INSL6: variants seen among roughly 807,000 people sequenced by gnomAD.
The protein encoded by INSL6 is insulin like 6, also known as insulin-like peptide INSL6.
INSL6 carries 16 observed loss-of-function variants against 9.4 expected under a neutral mutation model. That is an observed-to-expected ratio of 1.70 (90% CI 1.15 to 2.59). The LOEUF is 2.59. Among genes scored for constraint, INSL6 ranks in the 30% most tolerant of loss-of-function variants. The probability of loss-of-function intolerance (pLI) is 0.00; values close to 1 mark genes in which losing one functional copy is unlikely to be tolerated. For missense variants in INSL6, 391 were observed against 257.3 expected (o/e 1.52, Z -3.56); for synonymous variants, 154 against 96.9 (o/e 1.59, Z -3.46).
At chr9:5,003,636 C>T in the INSL6 span, among the ~76,000 whole-genome samples, 1 of 152,056 alleles carries the variant, frequency 6.6e-6, no homozygotes, top group East Asian at 1.9e-4. Context: ...CATATACAGA[C>T]ATGTCCTCTA....
intron 1 of INSL6, among the ~76,000 whole-genome samples, chr9:5,179,340 T>C (rs966601379): frequency 5.9e-5 from 9 of 152,122 alleles, no homozygotes; most frequent in African/African-American, 2.2e-4. Flanking sequence ...ATGGCTATTA[T>C]TAAAGCTAAA....
the INSL6 span, among the ~76,000 whole-genome samples, chr9:5,068,438 C>T: frequency 6.6e-6 from 1 of 152,156 alleles, no homozygotes; most frequent in African/African-American, 2.4e-5. Flanking sequence ...TTTGCTTGTG[C>T]AAAGAGGTGA....
chr9:5,165,401 C>T (rs952373471), intron 1 of INSL6, among the ~76,000 whole-genome samples: 2 of 152,134 alleles, frequency 1.3e-5, no homozygotes, highest in African/African-American at 2.4e-5. Context: ...AGCATCGGTA[C>T]AGTAGAGTTC....
intron 2 of INSL6, among the ~76,000 whole-genome samples, chr9:5,139,535 C>T (rs1235087477): frequency 3.9e-5 from 6 of 152,124 alleles, no homozygotes; most frequent in African/African-American, 1.4e-4. Flanking sequence ...ACTCTCAAGT[C>T]TAGACACATC....
chr9:5,156,656 T>C (rs1824819235), intron 2 of INSL6, among the ~76,000 whole-genome samples: 1 of 152,220 alleles, frequency 6.6e-6, no homozygotes, highest in South Asian at 2.1e-4. Flanking sequence ...CTAGTTAATG[T>C]TGCACTGGAA....
chr9:5,091,214 G>A, the INSL6 span: 1 of 197,732 alleles, frequency 5.1e-6, no homozygotes, highest in African/African-American at 2.3e-5. Flanking sequence ...GTGGGTTGTG[G>A]TATTGTGTTG....
downstream of INSL6, among the ~76,000 whole-genome samples, chr9:5,159,804 G>A (rs1455212958): frequency 6.6e-6 from 1 of 152,198 alleles, no homozygotes; most frequent in South Asian, 2.1e-4. Flanking sequence ...AGACCTAATA[G>A]GTATTTACAG....
chr9:5,024,187 C>T, the INSL6 span, among the ~76,000 whole-genome samples: 31 of 152,080 alleles, frequency 2.0e-4, no homozygotes, highest in Non-Finnish European at 4.0e-4. Context: ...ACCCAGGAGG[C>T]GGAGCTTGCA....
chr9:5,014,533 A>ATCAGAACAGC, the INSL6 span, among the ~76,000 whole-genome samples: 1 of 152,182 alleles, frequency 6.6e-6, no homozygotes, highest in Non-Finnish European at 1.5e-5. Context: ...GTGGGAAAAT[A>ATCAGAACAGC]TCAGAACAGC....
At chr9:5,140,249 C>T (rs941113213) in intron 2 of INSL6, among the ~76,000 whole-genome samples, 1 of 152,072 alleles carries the variant, frequency 6.6e-6, no homozygotes, top group Non-Finnish European at 1.5e-5. Context: ...TATATAAGAA[C>T]ATTCACAGCT....
chr9:5,137,759 G>C (rs978233991), intron 2 of INSL6, among the ~76,000 whole-genome samples: 1 of 152,190 alleles, frequency 6.6e-6, no homozygotes, highest in East Asian at 1.9e-4. Flanking sequence ...AAACTAAAGA[G>C]CTTCTGTACA....
At chr9:5,087,305 A>C in the INSL6 span, among the ~76,000 whole-genome samples, 1 of 152,206 alleles carries the variant, frequency 6.6e-6, no homozygotes, top group Non-Finnish European at 1.5e-5. Flanking sequence ...GAGAAATGCC[A>C]GATGCTTACA....
chr9:5,179,534 T>C (rs867704537), intron 1 of INSL6, among the ~76,000 whole-genome samples: 12 of 152,158 alleles, frequency 7.9e-5, no homozygotes, highest in Admixed American at 4.6e-4. Flanking sequence ...GTTATAAAGA[T>C]ACATGCAAGC....
chr9:5,147,343 G>A lies in INSL6; in HGVS notation c.377-13751C>T, dbSNP rs1240744193. Among the ~76,000 whole-genome samples the A allele has an allele frequency of 3.9e-5, 6 of 152,198 alleles. No homozygotes were observed. In the East Asian group the frequency reaches 1.2e-3, roughly 29 times the overall value. On this transcript the variant is annotated intron_variant, in intron 2 of 3. Transcript: ENST00000649639. The stretch of plus-strand genomic sequence containing the variant: ...TCCTTGGGTCGACTGCAGCTTGCTG[G>A]AGGTGTGGATAAGGTGCTTAGGGTT...
At chr9:5,027,043 T>C in the INSL6 span, among the ~76,000 whole-genome samples, 2 of 152,368 alleles carry the variant, frequency 1.3e-5, no homozygotes, top group East Asian at 3.9e-4. Context: ...CAACTCCTTC[T>C]GTGCAACCAC....
the INSL6 span, among the ~76,000 whole-genome samples, chr9:5,080,059 C>G: frequency 6.6e-6 from 1 of 152,254 alleles, no homozygotes; most frequent in Admixed American, 6.5e-5. Context: ...TTGAAGGTCC[C>G]TTCTGGTTCT....
At chr9:5,030,434 C>T in the INSL6 span, among the ~76,000 whole-genome samples, 5 of 151,906 alleles carry the variant, frequency 3.3e-5, no homozygotes, top group African/African-American at 1.2e-4. Flanking sequence ...AACAAAGATA[C>T]GTTTGATTTG....
At chr9:5,117,067 A>G in the INSL6 span, among the ~76,000 whole-genome samples, 2 of 152,180 alleles carry the variant, frequency 1.3e-5, no homozygotes, top group East Asian at 3.8e-4. Flanking sequence ...ACTTTCATCC[A>G]TGTGAGGACA....
the INSL6 span, chr9:5,078,452 C>T: frequency 6.2e-7 from 1 of 1,608,322 alleles, no homozygotes; most frequent in Non-Finnish European, 8.5e-7. Flanking sequence ...ACAGTAAGTT[C>T]TAGAAGGATT....
Sources: allele counts gnomAD v4.1 joint callset (sites outside exome capture counted in the v4.1 genomes callset), GRCh38; gene constraint gnomAD v4.1.1; transcripts MANE v1.5; gene names NCBI Gene and HGNC (gene_info 2026-07-23, HGNC 2026-07-21).